Variants in TNRC6A observed in about 807,000 individuals in gnomAD.
TNRC6A encodes trinucleotide repeat-containing gene 6A protein.
A neutral mutation model predicts 221.2 loss-of-function variants in TNRC6A; 44 were observed. The observed-to-expected ratio is 0.20, with a 90% CI of 0.16 to 0.26. TNRC6A has a LOEUF of 0.26. Ranked by LOEUF, TNRC6A falls within the 10% of genes least tolerant of loss-of-function variation. The pLI is 1.00. For missense variants in TNRC6A, 2,199 were observed against 2,404.4 expected, an observed-to-expected ratio of 0.91 and a Z score of 1.79; for synonymous variants, 847 against 838.5, an observed-to-expected ratio of 1.01 and a Z score of -0.18.
intron 2 of TNRC6A, among the ~76,000 whole-genome samples, chr16:24,689,382 G>A (rs1233371265): frequency 1.3e-5 from 2 of 152,202 alleles, no homozygotes; most frequent in African/African-American, 4.8e-5. Flanking sequence ...GCAAGAGGAT[G>A]TCTGATATGG....
At chr16:24,817,065 C>T in intron 20 of TNRC6A, 109 bp downstream of exon 20, 1 of 1,164,946 alleles carries the variant, frequency 8.6e-7, no homozygotes, top group South Asian at 2.4e-5. Context: ...ACTCTGGGAT[C>T]ACTTGAGCCC....
intron 2 of TNRC6A, chr16:24,665,017 G>T (rs917362483): frequency 3.3e-5 from 15 of 455,954 alleles, no homozygotes; most frequent in African/African-American, 2.0e-4. Context: ...TTGAAGTGGA[G>T]AGGCTGATCT....
At chr16:24,626,719 C>G (rs372420139) in intron 1 of TNRC6A, among the ~76,000 whole-genome samples, 11 of 149,646 alleles carry the variant, frequency 7.4e-5, no homozygotes, top group Middle Eastern at 7.3e-3. Flanking sequence ...GCACTATCTC[C>G]GCTCACTGCA....
At chr16:24,820,472 CAG>C in intron 22 of TNRC6A, 112 bp downstream of exon 22, 1 of 938,122 alleles carries the variant, frequency 1.1e-6, no homozygotes, top group Middle Eastern at 2.8e-4. Flanking sequence ...TCACCTCCAT[CAG>C]GGGGAATGAG....
chr16:24,703,478 C>T (rs551868572), intron 2 of TNRC6A, among the ~76,000 whole-genome samples: 9 of 152,012 alleles, frequency 5.9e-5, no homozygotes, highest in Non-Finnish European at 8.8e-5. Context: ...CTCAGGAGGC[C>T]GAGGTAAGAG....
chr16:24,719,632 CT>C (rs77536113), intron 2 of TNRC6A, among the ~76,000 whole-genome samples: 15,438 of 151,890 alleles, frequency 0.1, 1,799 homozygotes, highest in East Asian at 0.35. Context: ...GTACTCTAGC[CT>C]GGGTGACAGA....
intron 4 of TNRC6A, among the ~76,000 whole-genome samples, chr16:24,763,568 G>C (rs959992023): frequency 7.2e-5 from 11 of 152,120 alleles, no homozygotes; most frequent in Non-Finnish European, 1.5e-4. Context: ...CTTGAGAAAC[G>C]AAGGAAATGA....
rs2058821619 is a variant in TNRC6A at position 24,823,891 on chromosome 16, G to T, written c.*84G>T. Reference sequence around the variant, plus strand: ...TGGGGCTCGCCGCCTGCAGCCAGGGGCCGCCTGTGGGAACAGCTATTCTCT... The same window carrying T: ...TGGGGCTCGCCGCCTGCAGCCAGGGTCCGCCTGTGGGAACAGCTATTCTCT... On this transcript the variant is annotated 3_prime_UTR_variant, in exon 25 of 25. Transcript: ENST00000395799. This position sits in a 1 kb window ranked among gnomAD's most constrained non-coding sequence, Gnocchi z 4.3. The T allele has an allele frequency of 4.5e-6, 6 of 1,330,242 alleles. No homozygotes were observed. The East Asian group carries it at 1.7e-4, about 37-fold the overall frequency. 82.4% of individuals were successfully genotyped at this position (1,330,242 alleles called of 1,614,324 possible). A position where few individuals can be genotyped will look rare whatever the true frequency, so the allele number is the denominator to read the frequency against.
At chr16:24,615,772 T>G (rs976448836) in intron 1 of TNRC6A, among the ~76,000 whole-genome samples, 1 of 152,160 alleles carries the variant, frequency 6.6e-6, no homozygotes, top group Non-Finnish European at 1.5e-5. Flanking sequence ...ATGCCTGTAA[T>G]CCCAGCTACT....
chr16:24,669,496 A>C (rs1047645422), intron 2 of TNRC6A, among the ~76,000 whole-genome samples: 2 of 152,024 alleles, frequency 1.3e-5, no homozygotes, highest in Non-Finnish European at 2.9e-5. Flanking sequence ...TCAAAAAAAA[A>C]AAAATCCTAT....
intron 18 of TNRC6A, among the ~76,000 whole-genome samples, chr16:24,810,288 G>A (rs1174869896): frequency 6.6e-6 from 1 of 152,030 alleles, no homozygotes. Flanking sequence ...TATTAATCGA[G>A]TATCTTCTGC....
intron 1 of TNRC6A, among the ~76,000 whole-genome samples, chr16:24,624,303 C>A (rs980198621): frequency 1.3e-5 from 2 of 152,136 alleles, no homozygotes; most frequent in Non-Finnish European, 2.9e-5. Context: ...GACACGTGGC[C>A]ATCTCAGAGC....
intron 2 of TNRC6A, among the ~76,000 whole-genome samples, chr16:24,675,071 A>G (rs2055380802): frequency 6.6e-6 from 1 of 152,164 alleles, no homozygotes; most frequent in Non-Finnish European, 1.5e-5. Context: ...GCTTGAGCCC[A>G]GGAGTTCAAG....
At chr16:24,712,087 T>G (rs1270552407) in intron 2 of TNRC6A, among the ~76,000 whole-genome samples, 4 of 152,214 alleles carry the variant, frequency 2.6e-5, no homozygotes, top group African/African-American at 9.7e-5. Context: ...AATATGCACA[T>G]GCAGGAGAAT....
chr16:24,715,512 A>G (rs2056295507), intron 2 of TNRC6A, among the ~76,000 whole-genome samples: 1 of 151,672 alleles, frequency 6.6e-6, no homozygotes, highest in South Asian at 2.1e-4. Flanking sequence ...ACTCTGCCTG[A>G]TGGGATCAGA....
chr16:24,789,838 G>T lies in TNRC6A; in HGVS notation c.1196G>T (p.Gly399Val). 1.9e-6 allele frequency: 3 copies of T among 1,614,150 alleles called. No homozygotes were observed. The highest frequency in any genetic ancestry group is 2.2e-5 in the South Asian group (2 of 91,074). ...SGINIQCSTI[G>V]QMPNNQSINS... Reference sequence around the variant, plus strand: ...ATTAATATTCAGTGCAGTACTATAGGCCAGATGCCTAACAATCAGAGTATT... The same window carrying T: ...ATTAATATTCAGTGCAGTACTATAGTCCAGATGCCTAACAATCAGAGTATT... Residue 399 changes from glycine (G) to valine (V), a missense_variant, in exon 6 of 25, where the codon GGC (glycine) becomes GTC (valine). Gly to Val is a moderately radical substitution (Grantham distance 109). Around this residue, in one of 8 missense-constraint regions of TNRC6A, gnomAD observed 1,405 missense variants for 1,400.2 expected, o/e 1.00. Coordinates refer to ENST00000395799, the MANE Select transcript of TNRC6A (RefSeq NM_014494.4).
At chr16:24,631,708 G>T (rs1222496695) in intron 1 of TNRC6A, among the ~76,000 whole-genome samples, 1 of 151,658 alleles carries the variant, frequency 6.6e-6, no homozygotes, top group Non-Finnish European at 1.5e-5. Context: ...GGAGGTGGAG[G>T]TTGCAGTGAG....
chr16:24,775,767 G>A (rs544348994), intron 4 of TNRC6A, among the ~76,000 whole-genome samples: 8 of 152,288 alleles, frequency 5.3e-5, no homozygotes, highest in African/African-American at 1.4e-4. Context: ...ATTCCAGGGT[G>A]GGAGCTCTTA....
chr16:24,643,008 C>T (rs1158485940), intron 2 of TNRC6A, among the ~76,000 whole-genome samples: 3 of 148,916 alleles, frequency 2.0e-5, no homozygotes, highest in South Asian at 2.1e-4. Flanking sequence ...TGCTCCACTG[C>T]ACTCCAGCCT....
Sources: allele counts gnomAD v4.1 joint callset (sites outside exome capture counted in the v4.1 genomes callset), GRCh38; gene constraint gnomAD v4.1.1; regional missense constraint gnomAD v4.1.1; non-coding constraint Gnocchi (gnomAD v3.1); transcripts MANE v1.5; gene names NCBI Gene and HGNC (gene_info 2026-07-23, HGNC 2026-07-21).